GPR107: variants seen among roughly 807,000 people sequenced by gnomAD.
GPR107 encodes the protein protein GPR107.
Under a neutral mutation model 75.5 loss-of-function variants are expected in GPR107, and 31 were observed. The ratio of observed to expected loss-of-function variants is 0.41; its 90% confidence interval spans 0.31 to 0.55. The LOEUF (loss-of-function observed/expected upper bound fraction) is 0.55, where lower values mean the gene tolerates loss of function less well. Ranked by LOEUF, GPR107 falls within the 20% of genes least tolerant of loss-of-function variation. The pLI is 0.26. For missense variants in GPR107, 572 were observed against 665.7 expected (o/e 0.86, Z 1.55); for synonymous variants, 267 against 251.3 (o/e 1.06, Z -0.59).
At chr9:130,055,633 G>T (rs2132524340) in intron 1 of GPR107, among the ~76,000 whole-genome samples, 1 of 151,842 alleles carries the variant, frequency 6.6e-6, no homozygotes, top group East Asian at 1.9e-4. Flanking sequence ...AGAATTTAAA[G>T]AATACAGAAT....
At chr9:130,126,160 AAGTT>A (rs1239163966) in intron 15 of GPR107, among the ~76,000 whole-genome samples, 1 of 152,146 alleles carries the variant, frequency 6.6e-6, no homozygotes, top group Admixed American at 6.5e-5. Flanking sequence ...AAGAACAGAA[AAGTT>A]AAGACAGTTT....
At chr9:130,122,717 A>G (rs1831576582) in intron 14 of GPR107, among the ~76,000 whole-genome samples, 1 of 152,120 alleles carries the variant, frequency 6.6e-6, no homozygotes, top group Non-Finnish European at 1.5e-5. Flanking sequence ...GTGAGTTTGT[A>G]TTGACTGAAT....
chr9:130,107,411 T>C (rs1831186141), intron 13 of GPR107, 85 bp from the exon 14 acceptor site: 3 of 821,674 alleles, frequency 3.7e-6, no homozygotes, highest in Non-Finnish European at 6.5e-6. Flanking sequence ...AATTGAGAAA[T>C]TCAGCCTCAA....
At chr9:130,074,756 C>T (rs935979880) in intron 1 of GPR107, among the ~76,000 whole-genome samples, 1 of 152,056 alleles carries the variant, frequency 6.6e-6, no homozygotes, top group Admixed American at 6.6e-5. Context: ...GGTGAAAATT[C>T]ACCTTTTTAA....
At chr9:130,088,683 A>G (rs1238101983) in intron 7 of GPR107, among the ~76,000 whole-genome samples, 1 of 152,090 alleles carries the variant, frequency 6.6e-6, no homozygotes, top group Non-Finnish European at 1.5e-5. Context: ...TTTCTCTTTT[A>G]CCAATGAGAA....
intron 4 of GPR107, 77 bp downstream of exon 4, chr9:130,077,455 T>G (rs1830377026): frequency 1.3e-6 from 1 of 799,396 alleles, no homozygotes; most frequent in Non-Finnish European, 2.3e-6. Context: ...TAACATTCCT[T>G]GGGTGTCTGC....
chr9:130,121,196 A>C (rs1270802211), intron 14 of GPR107, among the ~76,000 whole-genome samples: 2 of 151,140 alleles, frequency 1.3e-5, no homozygotes, highest in Admixed American at 6.6e-5. Context: ...ACAAAACAAA[A>C]CAAAACAAAA....
At chr9:130,073,550 C>G (rs983935233) in intron 1 of GPR107, among the ~76,000 whole-genome samples, 1 of 152,152 alleles carries the variant, frequency 6.6e-6, no homozygotes, top group Non-Finnish European at 1.5e-5. Context: ...GCAAGCCACT[C>G]CAGCCCACCA....
At chr9:130,132,491 A>G (rs957046730) in intron 17 of GPR107, among the ~76,000 whole-genome samples, 19 of 152,214 alleles carry the variant, frequency 1.2e-4, no homozygotes, top group Non-Finnish European at 2.6e-4. Flanking sequence ...ATGTATTAAA[A>G]TATATTTGCC....
intron 9 of GPR107, 27 bp downstream of exon 9, chr9:130,092,408 G>T: frequency 6.3e-7 from 1 of 1,592,084 alleles, no homozygotes; most frequent in Non-Finnish European, 8.6e-7. Context: ...TTCAACTTAA[G>T]AGTGTGTTGA....
chr9:130,104,635 A>C, intron 13 of GPR107, 85 bp downstream of exon 13: 699 of 1,087,134 alleles, frequency 6.4e-4, no homozygotes, highest in Non-Finnish European at 8.9e-4. Flanking sequence ...AACTGATCTC[A>C]GTCACATGGG....
At chr9:130,068,601 AT>A (rs939871524) in intron 1 of GPR107, among the ~76,000 whole-genome samples, 8 of 151,800 alleles carry the variant, frequency 5.3e-5, no homozygotes, top group African/African-American at 1.7e-4. Flanking sequence ...TCATTACTCT[AT>A]TTTTTTTATG....
At chr9:130,078,326 G>C (rs1327538097) in intron 4 of GPR107, among the ~76,000 whole-genome samples, 1 of 152,122 alleles carries the variant, frequency 6.6e-6, no homozygotes, top group Non-Finnish European at 1.5e-5. Flanking sequence ...CAGCCCAGAA[G>C]AGGATGGATT....
intron 14 of GPR107, among the ~76,000 whole-genome samples, chr9:130,121,308 A>G (rs1194725208): frequency 2.6e-5 from 4 of 152,180 alleles, no homozygotes; most frequent in Non-Finnish European, 5.9e-5. Flanking sequence ...ACACACTAAC[A>G]CTAACGATAG....
chr9:130,093,320 T>G (rs1339758701), intron 9 of GPR107, among the ~76,000 whole-genome samples: 1 of 152,228 alleles, frequency 6.6e-6, no homozygotes, highest in African/African-American at 2.4e-5. Flanking sequence ...AACAAAATAT[T>G]AATATTCATT....
In GPR107 at chr9:130,075,662, G is replaced by A; in HGVS notation, c.168G>A (p.Leu56=). 6.3e-7 allele frequency: 1 copy of A among 1,599,624 alleles called. No individual in the cohort carries two copies. ...LKDDVRHKVH[L]NTFGFFKDGY... ...ATGATGTGAGGCATAAAGTTCATCTGAACACCTTTGGCTTCTTCAAGGATG... is the reference window on the plus strand; with the variant it reads ...ATGATGTGAGGCATAAAGTTCATCTAAACACCTTTGGCTTCTTCAAGGATG... Residue 56 remains leucine (L), a synonymous_variant, in exon 2 of 18, where the codon CTG becomes CTA. Transcript: ENST00000347136.
At chr9:130,127,799 T>G (rs1019508695) in intron 16 of GPR107, among the ~76,000 whole-genome samples, 5 of 152,000 alleles carry the variant, frequency 3.3e-5, no homozygotes, top group African/African-American at 9.7e-5. Flanking sequence ...ACCTCCCGGG[T>G]TCAAGCGATT....
chr9:130,094,626 G>C (rs924204838), intron 9 of GPR107, among the ~76,000 whole-genome samples: 3 of 151,978 alleles, frequency 2.0e-5, no homozygotes, highest in African/African-American at 7.2e-5. Flanking sequence ...TAAAAATTTA[G>C]GCCATTAAAG....
At chr9:130,076,281 C>G in intron 2 of GPR107, 131 bp from the exon 3 acceptor site, 1 of 582,088 alleles carries the variant, frequency 1.7e-6, no homozygotes, top group Non-Finnish European at 3.1e-6. Flanking sequence ...TTTTACTTTG[C>G]CTTCTTACAA....
Sources: gnomAD v4.1 joint callset for allele counts (sites outside exome capture counted in the v4.1 genomes callset) on GRCh38, gnomAD v4.1.1 for gene constraint, MANE v1.5 for transcripts, NCBI Gene and HGNC (gene_info 2026-07-23, HGNC 2026-07-21) for gene names.